TXK: variants seen among roughly 807,000 people sequenced by gnomAD.
TXK encodes the protein TXK tyrosine kinase.
In TXK, 60 loss-of-function variants were observed where a neutral mutation model predicts 81.0. That is an observed-to-expected ratio of 0.74 (90% CI 0.60 to 0.92). TXK has a LOEUF of 0.92. Ranked by LOEUF, TXK falls within the 40% of genes least tolerant of loss-of-function variation. The pLI is 0.00. For synonymous variants in TXK, 203 were observed against 210.7 expected, an observed-to-expected ratio of 0.96 and a Z score of 0.32; for missense variants, 581 against 638.3, an observed-to-expected ratio of 0.91 and a Z score of 0.97.
chr4:48,089,205 G>A (rs929641361), intron 9 of TXK, among the ~76,000 whole-genome samples: 11 of 152,102 alleles, frequency 7.2e-5, no homozygotes, highest in Non-Finnish European at 1.5e-4. Flanking sequence ...AAGGCTCCTG[G>A]TAATGTAACA....
intron 4 of TXK, among the ~76,000 whole-genome samples, chr4:48,111,235 C>T (rs1416197951): frequency 6.6e-6 from 1 of 152,084 alleles, no homozygotes; most frequent in Non-Finnish European, 1.5e-5. Context: ...ATCTCCAAGA[C>T]ATATTATTGA....
chr4:48,074,897 G>C (rs576976299), intron 12 of TXK, among the ~76,000 whole-genome samples: 1 of 152,212 alleles, frequency 6.6e-6, no homozygotes, highest in African/African-American at 2.4e-5. Context: ...AAAAGCCACT[G>C]TTTATAGATT....
intron 1 of TXK, among the ~76,000 whole-genome samples, chr4:48,128,031 G>A (rs547357021): frequency 1.6e-4 from 24 of 152,338 alleles, no homozygotes; most frequent in African/African-American, 5.3e-4. Context: ...AGAGGACAAA[G>A]GAACAGATGT....
At chr4:48,117,809 T>TCTTCCAACATGTTG (rs1355528066) in intron 1 of TXK, among the ~76,000 whole-genome samples, 2 of 152,228 alleles carry the variant, frequency 1.3e-5, no homozygotes, top group African/African-American at 4.8e-5. Flanking sequence ...CAAGATGTTG[T>TCTTCCAACATGTTG]CTTCCAGATG....
intron 5 of TXK, among the ~76,000 whole-genome samples, chr4:48,107,465 C>A (rs1446992666): frequency 6.6e-6 from 1 of 151,930 alleles, no homozygotes; most frequent in Non-Finnish European, 1.5e-5. Context: ...CATCCCCCAT[C>A]TGAATTACAT....
chr4:48,095,077 A>G (rs1218156541), intron 7 of TXK, 66 bp downstream of exon 7: 3 of 1,336,040 alleles, frequency 2.2e-6, no homozygotes, highest in Non-Finnish European at 3.2e-6. Context: ...TCTCACTAAC[A>G]TTCTCTATGT....
In TXK at chr4:48,118,067, A is replaced by G. The variant is rs114558469; in HGVS notation, c.17-3665T>C. On this transcript the variant is annotated intron_variant, in intron 1 of 14. Transcript: ENST00000264316. ...AGATCTCCTTGTCACCAATCTCCCA[A>G]TTTTGTTCCTTCCAAATTGGCAGAC... Among the ~76,000 whole-genome samples the G allele has an allele frequency of 1.5e-3, 229 of 152,184 alleles. 1 individual carries two copies. The highest frequency in any genetic ancestry group is 5.4e-3 in the African/African-American group (223 of 41,512).
In TXK at chr4:48,110,600, A is replaced by C; in HGVS notation, c.384T>G (p.Asn128Lys). The change falls in exon 5 of 15, where the codon AAT becomes AAG. Residue 128 changes from asparagine (N) to lysine (K), a missense_variant. Asn to Lys is a moderately conservative substitution (Grantham distance 94). Transcript: ENST00000264316. ...CATAGTTGCTTGGGATTAAGCCTTC[A>C]TTCCTACAACAAAAGAAAAAGCAAA... ...HWWKARDRLG[N>K]EGLIPSNYVT... The C allele has an allele frequency of 1.2e-6, 2 of 1,612,004 alleles. No homozygotes were observed. The highest frequency in any genetic ancestry group is 1.7e-6 in the Non-Finnish European group (2 of 1,178,614).
intron 6 of TXK, among the ~76,000 whole-genome samples, chr4:48,098,343 T>C (rs978046550): frequency 6.6e-6 from 1 of 152,172 alleles, no homozygotes; most frequent in African/African-American, 2.4e-5. Flanking sequence ...AAGAATTGCA[T>C]GATGAATGTA....
chr4:48,095,354 T>A, intron 6 of TXK, 132 bp from the exon 7 acceptor site: 1 of 635,996 alleles, frequency 1.6e-6, no homozygotes, highest in Non-Finnish European at 2.7e-6. Context: ...ATATGAAGAA[T>A]TAGATTGTCT....
chr4:48,105,542 G>A (rs1450678674), intron 5 of TXK, among the ~76,000 whole-genome samples: 1 of 152,182 alleles, frequency 6.6e-6, no homozygotes, highest in Non-Finnish European at 1.5e-5. Flanking sequence ...GAGGATGGAA[G>A]TGGGGGTGAG....
chr4:48,122,598 A>G (rs1337516417), intron 1 of TXK, among the ~76,000 whole-genome samples: 1 of 151,954 alleles, frequency 6.6e-6, no homozygotes, highest in Non-Finnish European at 1.5e-5. Context: ...TGTCTACCTC[A>G]CTAGTATGTA....
chr4:48,095,855 T>C (rs1367638884), intron 6 of TXK, among the ~76,000 whole-genome samples: 1 of 152,228 alleles, frequency 6.6e-6, no homozygotes, highest in Non-Finnish European at 1.5e-5. Context: ...CTTTGGGAGA[T>C]GCCAATAAAG....
chr4:48,107,578 A>G (rs1718496446), intron 5 of TXK, among the ~76,000 whole-genome samples: 1 of 151,820 alleles, frequency 6.6e-6, no homozygotes, highest in Non-Finnish European at 1.5e-5. Flanking sequence ...TCCGGGGTAC[A>G]TGTACAGGAT....
intron 14 of TXK, among the ~76,000 whole-genome samples, chr4:48,068,257 A>T (rs546157420): frequency 6.6e-6 from 1 of 152,274 alleles, no homozygotes; most frequent in East Asian, 1.9e-4. Context: ...ACGACCCTAG[A>T]GATATATTTG....
intron 12 of TXK, among the ~76,000 whole-genome samples, chr4:48,074,429 T>C (rs1244415721): frequency 2.6e-5 from 4 of 152,184 alleles, no homozygotes; most frequent in Admixed American, 6.5e-5. Flanking sequence ...CAAAGACCAC[T>C]CTTCTTAAAA....
chr4:48,109,578 GA>G (rs1396821960), intron 5 of TXK, among the ~76,000 whole-genome samples: 1 of 152,138 alleles, frequency 6.6e-6, no homozygotes, highest in African/African-American at 2.4e-5. Context: ...AGAGTGACTG[GA>G]GAGAGAACAG....
intron 14 of TXK, among the ~76,000 whole-genome samples, chr4:48,070,736 G>T (rs1189385426): frequency 6.6e-6 from 1 of 151,566 alleles, no homozygotes; most frequent in Non-Finnish European, 1.5e-5. Flanking sequence ...GCACCACCAG[G>T]CCTGGCTAAT....
chr4:48,115,705 A>G (rs780066918), intron 1 of TXK, among the ~76,000 whole-genome samples: 12 of 152,054 alleles, frequency 7.9e-5, no homozygotes, highest in Non-Finnish European at 1.8e-4. Flanking sequence ...TTTTAAAAAA[A>G]TTAGCCAGGC....
Sources: allele counts gnomAD v4.1 joint callset (sites outside exome capture counted in the v4.1 genomes callset), GRCh38; gene constraint gnomAD v4.1.1; transcripts MANE v1.5; gene names NCBI Gene and HGNC (gene_info 2026-07-23, HGNC 2026-07-21).